Variants in BCAS3 observed in about 807,000 individuals in gnomAD.
The protein encoded by BCAS3 is BCAS4/BCAS3 fusion.
BCAS3 carries 53 observed loss-of-function variants against 116.1 expected under a neutral mutation model. The ratio of observed to expected loss-of-function variants is 0.46; its 90% confidence interval spans 0.37 to 0.57. BCAS3 has a LOEUF of 0.57. Ranked by LOEUF, BCAS3 falls within the 20% of genes least tolerant of loss-of-function variation. The pLI is 0.00. For synonymous variants in BCAS3, 391 were observed against 408.2 expected (o/e 0.96, Z 0.51); for missense variants, 917 against 1,165.4 (o/e 0.79, Z 3.10).
chr17:61,227,116 G>T lies in BCAS3; in HGVS notation c.2426-141211G>T, dbSNP rs970671088. Among the ~76,000 whole-genome samples, 1 of 152,164 alleles carries T rather than the reference G, an allele frequency of 6.6e-6. No individual in the cohort carries two copies. Among genetic ancestry groups the T allele is most frequent in the African/African-American group, 2.4e-5 (1 of 41,430 alleles). ...TACTCCATAGTTAAGCTGATGTTACGCGGTTAGCCAGAATGAACTGATTTT... is the reference window on the plus strand; with the variant it reads ...TACTCCATAGTTAAGCTGATGTTACTCGGTTAGCCAGAATGAACTGATTTT... On this transcript the variant is annotated intron_variant, in intron 22 of 23. Transcript: ENST00000407086. This position sits in a 1 kb window ranked among gnomAD's most constrained non-coding sequence, Gnocchi z 6.1.
intron 5 of BCAS3, among the ~76,000 whole-genome samples, chr17:60,722,526 GC>G (rs1213598487): frequency 6.6e-6 from 1 of 152,068 alleles, no homozygotes; most frequent in African/African-American, 2.4e-5. Flanking sequence ...ACTTGGGGAG[GC>G]TGAGGTGGGT....
At chr17:60,708,423 A>G (rs1174686950) in intron 4 of BCAS3, among the ~76,000 whole-genome samples, 1 of 151,736 alleles carries the variant, frequency 6.6e-6, no homozygotes, top group Admixed American at 6.6e-5. Context: ...CAGTGGTGCC[A>G]TCATAGCTCA....
intron 22 of BCAS3, among the ~76,000 whole-genome samples, chr17:61,201,261 G>C (rs750545200): frequency 1.3e-5 from 2 of 152,206 alleles, no homozygotes; most frequent in African/African-American, 4.8e-5. Flanking sequence ...CCATCTCATG[G>C]AAATCACCCA....
At chr17:60,779,354 G>A (rs1041977289) in intron 6 of BCAS3, among the ~76,000 whole-genome samples, 5 of 151,704 alleles carry the variant, frequency 3.3e-5, no homozygotes, top group East Asian at 3.9e-4. Flanking sequence ...CATATGAAAC[G>A]TAAGTTATTT....
Position 61,248,740 on chromosome 17 carries a change from A to G in BCAS3, c.2426-119587A>G, listed in dbSNP as rs532945101. 1.2e-3 allele frequency among the ~76,000 whole-genome samples: 178 copies of G among 152,294 alleles called. No homozygotes were observed. Among genetic ancestry groups the G allele is most frequent in the South Asian group, 4.4e-3 (21 of 4,826 alleles). On this transcript the variant is annotated intron_variant, in intron 22 of 23. Coordinates refer to ENST00000407086, the MANE Select transcript of BCAS3 (RefSeq NM_017679.5). This position sits in a 1 kb window ranked among gnomAD's most constrained non-coding sequence, Gnocchi z 4.3. The stretch of plus-strand genomic sequence containing the variant: ...ACAAATGATACCAGGACTTCTTTGA[A>G]TATTCTATTTAGTCTGTACTAGGAC...
chr17:61,213,419 C>T lies in BCAS3; in HGVS notation c.2425+128855C>T, dbSNP rs1172544896. ...TCCTGACCTCGTGATCCACCCGCCT[C>T]GACTTCCCAAAGTGCTGGGATTACA... On this transcript the variant is annotated intron_variant, in intron 22 of 23. Coordinates refer to ENST00000407086, the MANE Select transcript of BCAS3 (RefSeq NM_017679.5). This position sits in a 1 kb window ranked among gnomAD's most constrained non-coding sequence, Gnocchi z 5.4. Among the ~76,000 whole-genome samples the T allele has an allele frequency of 6.6e-6, 1 of 152,100 alleles. No individual in the cohort carries two copies. The highest frequency in any genetic ancestry group is 2.4e-5 in the African/African-American group (1 of 41,430).
chr17:61,024,916 A>G (rs560787399), intron 16 of BCAS3, among the ~76,000 whole-genome samples: 1 of 152,176 alleles, frequency 6.6e-6, no homozygotes, highest in East Asian at 1.9e-4. Context: ...TCTGGATGAG[A>G]TGGGAGACTG....
intron 6 of BCAS3, among the ~76,000 whole-genome samples, chr17:60,806,042 A>T (rs1568291470): frequency 7.0e-6 from 1 of 142,960 alleles, no homozygotes; most frequent in African/African-American, 2.6e-5. Context: ...ATATTTTTGT[A>T]TTTTTTTTTT....
In BCAS3 at chr17:61,074,989, G is replaced by A. The variant is rs1281104595; in HGVS notation, c.2099G>A (p.Ser700Asn). ...TACGACAGTTTAGCTTCTGACCATAGTGGACAGGAAGATGAAGAATGGCTT... is the reference window on the plus strand; with the variant it reads ...TACGACAGTTTAGCTTCTGACCATAATGGACAGGAAGATGAAGAATGGCTT... Reference protein sequence around the residue: ...GSYDSLASDHSGQEDEEWLSQ... With the variant: ...GSYDSLASDHNGQEDEEWLSQ... The change falls in exon 20 of 24, where the codon AGT (serine) becomes AAT (asparagine). Residue 700 changes from serine (S) to asparagine (N), a missense_variant. Coordinates refer to ENST00000407086, the MANE Select transcript of BCAS3 (RefSeq NM_017679.5). 1 of 1,613,318 alleles carries A rather than the reference G, an allele frequency of 6.2e-7. No homozygotes were observed. The highest frequency in any genetic ancestry group is 1.7e-5 in the Admixed American group (1 of 59,996).
In BCAS3 at chr17:61,215,998, G is replaced by A. The variant is rs2081762816; in HGVS notation, c.2425+131434G>A. ...ATTTTGGTTGGTTCTCCCAGTAGTA[G>A]ATCGCTGATATTTCAGAACACTCTG... is the stretch of plus-strand genomic sequence containing the variant. On this transcript the variant is annotated intron_variant, in intron 22 of 23. Transcript: ENST00000407086. The surrounding 1 kb of genome is among the most constrained non-coding windows in gnomAD (Gnocchi z 4.8). 6.6e-6 allele frequency among the ~76,000 whole-genome samples: 1 copy of A among 152,086 alleles called. No individual in the cohort carries two copies. The highest frequency in any genetic ancestry group is 1.5e-5 in the Non-Finnish European group (1 of 68,026).
At chr17:60,928,545 A>G (rs1451921689) in intron 13 of BCAS3, among the ~76,000 whole-genome samples, 1 of 152,202 alleles carries the variant, frequency 6.6e-6, no homozygotes, top group Non-Finnish European at 1.5e-5. Context: ...AACCACTCAT[A>G]CAGTTGGTTT....
intron 6 of BCAS3, among the ~76,000 whole-genome samples, chr17:60,763,198 G>C (rs866982507): frequency 2.6e-5 from 4 of 152,054 alleles, no homozygotes; most frequent in Admixed American, 2.6e-4. Context: ...TCTTTCTCTT[G>C]CCTGATTGCC....
chr17:61,110,737 C>T (rs1365559642), intron 22 of BCAS3, among the ~76,000 whole-genome samples: 2 of 152,114 alleles, frequency 1.3e-5, no homozygotes, highest in Non-Finnish European at 2.9e-5. Context: ...GGGTGGAGCC[C>T]ACCACAGCTC....
In BCAS3 at chr17:61,211,295, G is replaced by C. The variant is rs999505770; in HGVS notation, c.2425+126731G>C. Among the ~76,000 whole-genome samples, 1 of 152,156 alleles carries C rather than the reference G, an allele frequency of 6.6e-6. No individual in the cohort carries two copies. The highest frequency in any genetic ancestry group is 2.4e-5 in the African/African-American group (1 of 41,432). On this transcript the variant is annotated intron_variant, in intron 22 of 23. Coordinates refer to ENST00000407086, the MANE Select transcript of BCAS3 (RefSeq NM_017679.5). This position sits in a 1 kb window ranked among gnomAD's most constrained non-coding sequence, Gnocchi z 4.4. ...AAGGGGTTGTGCTTCCTTACTGACT[G>C]TATTTGTGATCTGTAAGACTTTTCA... is the stretch of plus-strand genomic sequence containing the variant.
chr17:61,231,927 C>G (rs926954405), intron 22 of BCAS3, among the ~76,000 whole-genome samples: 3 of 149,672 alleles, frequency 2.0e-5, no homozygotes, highest in African/African-American at 7.4e-5. Context: ...GGAAAAGAGG[C>G]CTGACACAGT....
intron 13 of BCAS3, among the ~76,000 whole-genome samples, chr17:60,930,513 G>A (rs1350687378): frequency 6.6e-6 from 1 of 152,166 alleles, no homozygotes; most frequent in Non-Finnish European, 1.5e-5. Flanking sequence ...CTGGAGTGCA[G>A]TAGTGTGATC....
chr17:60,733,668 C>T (rs2040685488), intron 5 of BCAS3, among the ~76,000 whole-genome samples: 1 of 151,868 alleles, frequency 6.6e-6, no homozygotes, highest in South Asian at 2.1e-4. Flanking sequence ...TTTGTGAGAC[C>T]CCAGTCTCTA....
intron 14 of BCAS3, among the ~76,000 whole-genome samples, chr17:60,965,282 C>T (rs543259232): frequency 1.0e-3 from 144 of 141,236 alleles, no homozygotes; most frequent in African/African-American, 3.2e-3. Flanking sequence ...AGTGCAGTGG[C>T]GCAATCTTGG....
intron 10 of BCAS3, among the ~76,000 whole-genome samples, chr17:60,900,400 G>A (rs548990910): frequency 1.3e-5 from 2 of 152,064 alleles, no homozygotes; most frequent in East Asian, 3.9e-4. Flanking sequence ...CATGGTTGGG[G>A]ATGTGGGCCG....
Sources: gnomAD v4.1 joint callset for allele counts (sites outside exome capture counted in the v4.1 genomes callset) on GRCh38, gnomAD v4.1.1 for gene constraint, Gnocchi (gnomAD v3.1) non-coding constraint, MANE v1.5 for transcripts, NCBI Gene and HGNC (gene_info 2026-07-23, HGNC 2026-07-21) for gene names.